Variants in COL4A4 observed in about 807,000 individuals in gnomAD.
COL4A4 encodes collagen type IV alpha 4 chain.
In COL4A4, 105 loss-of-function variants were observed where a neutral mutation model predicts 192.9. The ratio of observed to expected loss-of-function variants is 0.54; its 90% CI spans 0.46 to 0.64. The LOEUF is 0.64. COL4A4 is among the 30% of genes least tolerant of loss of function. COL4A4 has a pLI of 0.00. For synonymous variants in COL4A4, 762 were observed against 769.9 expected (o/e 0.99, Z 0.17); for missense variants, 1,967 against 2,169.3 (o/e 0.91, Z 1.85).
At chr2:227,086,946 C>T (rs566325432) in intron 22 of COL4A4, among the ~76,000 whole-genome samples, 111 of 152,276 alleles carry the variant, frequency 7.3e-4, no homozygotes, top group African/African-American at 2.1e-3. Context: ...TGCTGGGACA[C>T]CTTAATCATT....
chr2:227,077,873 A>G (rs762614321), intron 25 of COL4A4, 21 bp downstream of exon 25: 13 of 1,602,752 alleles, frequency 8.1e-6, no homozygotes, highest in Non-Finnish European at 1.1e-5. Context: ...ATTGAAATAA[A>G]TAAAATTTTT....
At position 227,007,277 on chromosome 2, in the gene COL4A4, C is replaced by A. The variant is rs767600758; in HGVS notation, c.*48G>T. The A allele has an allele frequency of 1.2e-6, 2 of 1,613,076 alleles. No homozygotes were observed. The highest frequency in any genetic ancestry group is 1.7e-6 in the Non-Finnish European group (2 of 1,179,314). ...CTTAGCACAGTCTAGGAAGTCTTAGCCCCCTAGGAAGTTTCTCTTGGCCAC... is the reference window on the plus strand; with the variant it reads ...CTTAGCACAGTCTAGGAAGTCTTAGACCCCTAGGAAGTTTCTCTTGGCCAC... On this transcript the variant is annotated 3_prime_UTR_variant, in exon 48 of 48. Coordinates refer to ENST00000396625, the MANE Select transcript of COL4A4 (RefSeq NM_000092.5).
chr2:227,150,476 C>T (rs981246955), intron 1 of COL4A4, among the ~76,000 whole-genome samples: 1 of 152,046 alleles, frequency 6.6e-6, no homozygotes, highest in Non-Finnish European at 1.5e-5. Flanking sequence ...CTCTGCTCTT[C>T]TACTAAGAAT....
At position 227,128,395 on chromosome 2, in the gene COL4A4, C is replaced by T. The variant is rs78470113; in HGVS notation, c.193-7247G>A. ...TGTTATTAATTGAATTAATTGAATA[C>T]CTCTATTTTTTGTGGTTCTCAAATT... is the stretch of plus-strand genomic sequence containing the variant. On this transcript the variant is annotated intron_variant, in intron 4 of 47. Coordinates refer to ENST00000396625, the MANE Select transcript of COL4A4 (RefSeq NM_000092.5). Among the ~76,000 whole-genome samples, 943 of 152,164 alleles carry T rather than the reference C, an allele frequency of 6.2e-3. 12 individuals carry two copies. Among genetic ancestry groups the T allele is most frequent in the African/African-American group, 0.022 (900 of 41,502 alleles).
At chr2:227,025,883 T>A in intron 42 of COL4A4, 73 bp from the exon 43 acceptor site, 1 of 1,400,512 alleles carries the variant, frequency 7.1e-7, no homozygotes. Flanking sequence ...TTTAAATTTG[T>A]GGATTAGGAC....
At chr2:226,982,877 C>T in the COL4A4 span, among the ~76,000 whole-genome samples, 5 of 152,316 alleles carry the variant, frequency 3.3e-5, no homozygotes, top group South Asian at 8.3e-4. Flanking sequence ...TTCTTCTACT[C>T]CAGTGTCATC....
chr2:227,071,268 C>T (rs370513773), intron 25 of COL4A4, among the ~76,000 whole-genome samples: 51 of 152,080 alleles, frequency 3.4e-4, no homozygotes, highest in African/African-American at 1.2e-3. Context: ...TCAGAAAAAA[C>T]AAACTTCAAA....
rs557114682 is a variant in COL4A4 at position 227,012,175 on chromosome 2, C to A, written c.4333+6G>T. On this transcript the variant is annotated splice_donor_region_variant and intron_variant, in intron 45 of 47. Transcript: ENST00000396625. ...TCAGAGAAAAGAGGAGTGACTGAAA[C>A]TCTACCTGGTCCTCCAGGGTAGCCG... 6 of 1,605,052 alleles carry A rather than the reference C, an allele frequency of 3.7e-6. No individual in the cohort carries two copies. Among genetic ancestry groups the A allele is most frequent in the Admixed American group, 3.3e-5 (2 of 60,024 alleles).
chr2:227,052,441 A>G (rs745464618), intron 31 of COL4A4, 29 bp from the exon 32 acceptor site: 1 of 1,257,594 alleles, frequency 8.0e-7, no homozygotes, highest in East Asian at 2.3e-5. Context: ...CAAGAACAAA[A>G]TGAACAGGAA....
chr2:227,081,917 A>C (rs1221487886), intron 23 of COL4A4, among the ~76,000 whole-genome samples, 198 bp downstream of exon 23: 1 of 152,178 alleles, frequency 6.6e-6, no homozygotes, highest in African/African-American at 2.4e-5. Flanking sequence ...AGGAATATTT[A>C]TGTTTTCAAA....
intron 1 of COL4A4, among the ~76,000 whole-genome samples, chr2:227,148,412 C>G (rs561810083): frequency 6.6e-6 from 1 of 152,228 alleles, no homozygotes; most frequent in African/African-American, 2.4e-5. Flanking sequence ...TTTTATGATT[C>G]TATGTATATA....
chr2:227,132,554 T>C (rs2062547612), intron 4 of COL4A4, among the ~76,000 whole-genome samples: 1 of 152,132 alleles, frequency 6.6e-6, no homozygotes, highest in Non-Finnish European at 1.5e-5. Context: ...GATGGGCAGA[T>C]CTCTTGAGGC....
intron 28 of COL4A4, among the ~76,000 whole-genome samples, chr2:227,058,853 G>C (rs899359908): frequency 1.1e-4 from 17 of 152,120 alleles, no homozygotes; most frequent in African/African-American, 4.1e-4. Context: ...GATCCTTACT[G>C]ATTTCAGAAA....
chr2:227,101,055 G>C (rs918332006), intron 17 of COL4A4, among the ~76,000 whole-genome samples: 2 of 152,048 alleles, frequency 1.3e-5, no homozygotes, highest in African/African-American at 4.8e-5. Flanking sequence ...TGATCTGCCC[G>C]CCTCGGCCTC....
At chr2:227,053,558 T>G (rs1206536432) in intron 31 of COL4A4, among the ~76,000 whole-genome samples, 1 of 145,472 alleles carries the variant, frequency 6.9e-6, no homozygotes, top group Non-Finnish European at 1.5e-5. Flanking sequence ...TTTTTTTTTT[T>G]TTTTTTGGAG....
chr2:227,116,084 T>A (rs77457963), intron 7 of COL4A4, among the ~76,000 whole-genome samples: 5,304 of 152,154 alleles, frequency 0.035, 303 homozygotes, highest in African/African-American at 0.12. Flanking sequence ...AGCTGAGGAG[T>A]TGGGAGATCA....
chr2:227,088,777 C>A lies in COL4A4; in HGVS notation c.1499G>T (p.Gly500Val). 12 of 1,614,130 alleles carry A rather than the reference C, an allele frequency of 7.4e-6. No individual in the cohort carries two copies. The highest frequency in any genetic ancestry group is 1.6e-4 in the Middle Eastern group (1 of 6,062). ...GLCACEPGPM[G>V]PPGPPGLPGR... ...AGGAAGTCCTGGAGGGCCAGGGGGG[C>A]CCATGGGTCCAGGCTCACAGGCACA... The change falls in exon 22 of 48, where the codon GGC becomes GTC. Residue 500 changes from glycine (G) to valine (V), a missense_variant. Physicochemically the swap from Gly to Val is moderately radical, Grantham distance 109 (BLOSUM62 -3). Coordinates refer to ENST00000396625, the MANE Select transcript of COL4A4 (RefSeq NM_000092.5).
intron 25 of COL4A4, among the ~76,000 whole-genome samples, chr2:227,075,654 G>T (rs2058984098): frequency 6.6e-6 from 1 of 152,110 alleles, no homozygotes; most frequent in African/African-American, 2.4e-5. Flanking sequence ...TCAGGCAACA[G>T]AAAGAAATAA....
At chr2:227,041,784 A>AAGGAAGGG (rs1971061302) in intron 37 of COL4A4, among the ~76,000 whole-genome samples, 2 of 52,436 alleles carry the variant, frequency 3.8e-5, no homozygotes, top group African/African-American at 1.4e-4. Context: ...GGAAGGAAGG[A>AAGGAAGGG]AGGGAAAGAA....
Sources: gnomAD v4.1 joint callset for allele counts (sites outside exome capture counted in the v4.1 genomes callset) on GRCh38, gnomAD v4.1.1 for gene constraint, MANE v1.5 for transcripts, NCBI Gene and HGNC (gene_info 2026-07-23, HGNC 2026-07-21) for gene names.